PHKB: variants seen among roughly 807,000 people sequenced by gnomAD.
PHKB encodes the protein phosphorylase kinase regulatory subunit beta.
PHKB carries 122 observed loss-of-function variants against 152.1 expected under a neutral mutation model. The ratio of observed to expected loss-of-function variants is 0.80; its 90% CI spans 0.69 to 0.93. The LOEUF is 0.93. Ranked by LOEUF, PHKB falls within the 40% of genes least tolerant of loss-of-function variation. PHKB has a pLI of 0.00. For missense variants in PHKB, 1,304 were observed against 1,328.4 expected (o/e 0.98, Z 0.29); for synonymous variants, 436 against 464.9 (o/e 0.94, Z 0.80).
chr16:47,520,975 C>T (rs1970675680), intron 6 of PHKB, among the ~76,000 whole-genome samples: 1 of 151,978 alleles, frequency 6.6e-6, no homozygotes, highest in Non-Finnish European at 1.5e-5. Context: ...ATTATTCTTT[C>T]ATTCTTTTAA....
chr16:47,478,240 T>C (rs1289635173), intron 1 of PHKB, among the ~76,000 whole-genome samples: 1 of 152,170 alleles, frequency 6.6e-6, no homozygotes, highest in African/African-American at 2.4e-5. Context: ...CTTCAACTAA[T>C]ATGGTATTGA....
rs568120070 is a variant in PHKB at position 47,664,861 on chromosome 16, A to G, written c.2337-24A>G. 1.1e-5 allele frequency: 17 copies of G among 1,544,926 alleles called. No homozygotes were observed. In the South Asian group the frequency reaches 1.9e-4, roughly 17 times the overall value. On this transcript the variant is annotated intron_variant, in intron 24 of 30. Coordinates refer to ENST00000323584, the MANE Select transcript of PHKB (RefSeq NM_000293.3). ...TTTTATTTACTCTATTTTCCCTTTT[A>G]TGGCTTTCCACTGACACACCCAGGT...
chr16:47,606,686 G>T (rs1972330911), intron 13 of PHKB, among the ~76,000 whole-genome samples: 1 of 152,028 alleles, frequency 6.6e-6, no homozygotes, highest in South Asian at 2.1e-4. Context: ...ACTCCAAGGA[G>T]GTTTTGCAGA....
Position 47,665,945 on chromosome 16 carries a change from G to A in PHKB, c.2427+970G>A, listed in dbSNP as rs375970573. 85 of 1,612,618 alleles carry A rather than the reference G, an allele frequency of 5.3e-5. No homozygotes were observed. The highest frequency in any genetic ancestry group is 6.3e-5 in the Non-Finnish European group (74 of 1,178,758). ...CTGCTCTCTTCTTTGCCCCCAGGTC[G>A]GTTGTACGCCGTGCAGCAAGTCTTT... On this transcript the variant is annotated intron_variant, in intron 25 of 30. Coordinates refer to ENST00000323584, the MANE Select transcript of PHKB (RefSeq NM_000293.3).
chr16:47,689,056 C>T lies in PHKB; in HGVS notation c.2646C>T (p.Ala882=). The T allele has an allele frequency of 6.2e-7, 1 of 1,613,998 alleles. No individual in the cohort carries two copies. Among genetic ancestry groups the T allele is most frequent in the Non-Finnish European group, 8.5e-7 (1 of 1,179,960 alleles). Residue 882 remains alanine, a synonymous_variant, in exon 27 of 31, where the codon GCC becomes GCT. Coordinates refer to ENST00000323584, the MANE Select transcript of PHKB (RefSeq NM_000293.3). ...LKIRIGWIIH[A]MEYELQIRGG... The stretch of plus-strand genomic sequence containing the variant: ...TTTGTTTCAGGTGGATCATCCATGC[C>T]ATGGAGTATGAACTTCAGATCCGTG...
intron 1 of PHKB, among the ~76,000 whole-genome samples, chr16:47,485,466 A>G (rs914922758): frequency 6.6e-6 from 1 of 152,228 alleles, no homozygotes; most frequent in Admixed American, 6.5e-5. Flanking sequence ...GTGGAACTAC[A>G]TTATTAAATC....
Position 47,564,687 on chromosome 16 carries a change from A to T in PHKB, c.711-15608A>T, listed in dbSNP as rs141592136. Among the ~76,000 whole-genome samples, 13 of 152,288 alleles carry T rather than the reference A, an allele frequency of 8.5e-5. No homozygotes were observed. The East Asian group carries it at 2.5e-3, about 29-fold the overall frequency. On this transcript the variant is annotated intron_variant, in intron 7 of 30. Coordinates refer to ENST00000323584, the MANE Select transcript of PHKB (RefSeq NM_000293.3). Reference sequence around the variant, plus strand: ...GTTCTTTGCCTAGGCCAATGTCCAGAAGAGTTTTTCCAGGTTTTCTTCTAG... The same window carrying T: ...GTTCTTTGCCTAGGCCAATGTCCAGTAGAGTTTTTCCAGGTTTTCTTCTAG...
rs1455937551 is a variant in PHKB, at chr16:47,598,549, C to A, written c.1363+2018C>A. The A allele has an allele frequency of 1.2e-5, 8 of 679,022 alleles. No homozygotes were observed. In the Admixed American group the frequency reaches 2.3e-4, roughly 19 times the overall value. 42.1% of individuals were successfully genotyped at this position (679,022 alleles called of 1,614,324 possible). ...ACACTCTCCTACATATTTTCTATATCACTTTTCTTGATTATAAAATGTCAG... is the reference window on the plus strand; with the variant it reads ...ACACTCTCCTACATATTTTCTATATAACTTTTCTTGATTATAAAATGTCAG... On this transcript the variant is annotated intron_variant, in intron 13 of 30. Coordinates refer to ENST00000323584, the MANE Select transcript of PHKB (RefSeq NM_000293.3).
At chr16:47,641,117 T>A in intron 15 of PHKB, 27 bp downstream of exon 15, 1 of 1,597,620 alleles carries the variant, frequency 6.3e-7, no homozygotes, top group African/African-American at 1.3e-5. Context: ...GGTGGTGTGT[T>A]TTTTTGTGGG....
At chr16:47,606,224 A>C (rs1972321136) in intron 13 of PHKB, among the ~76,000 whole-genome samples, 1 of 152,226 alleles carries the variant, frequency 6.6e-6, no homozygotes, top group South Asian at 2.1e-4. Flanking sequence ...ATTTTGTCTC[A>C]AATAACAATG....
intron 26 of PHKB, 147 bp downstream of exon 26, chr16:47,669,564 TG>T (rs1197898860): frequency 1.7e-5 from 12 of 723,806 alleles, no homozygotes; most frequent in Non-Finnish European, 2.7e-5. Context: ...AGGCAATATC[TG>T]GGGGTATGAA....
chr16:47,578,452 G>A (rs1971786142), intron 7 of PHKB, among the ~76,000 whole-genome samples: 1 of 152,076 alleles, frequency 6.6e-6, no homozygotes, highest in South Asian at 2.1e-4. Context: ...TGTTTTAGCT[G>A]TATTTTCTTA....
rs768699241 is a variant in PHKB at position 47,660,771 on chromosome 16, T to C, written c.2148T>C (p.Ile716=). Reference sequence around the variant, plus strand: ...TGGGACAGCAGCCGGATGTCAACATTAGTGAATGGAAGGACAAACCCACCC... The same window carrying C: ...TGGGACAGCAGCCGGATGTCAACATCAGTGAATGGAAGGACAAACCCACCC... The part of the protein sequence containing the change: ...PELGQQPDVN[I]SEWKDKPTHE... The change falls in exon 22 of 31, where the codon ATT becomes ATC. Residue 716 remains isoleucine (I), a synonymous_variant. Coordinates refer to ENST00000323584, the MANE Select transcript of PHKB (RefSeq NM_000293.3). 10 of 1,614,034 alleles carry C rather than the reference T, an allele frequency of 6.2e-6. No homozygotes were observed. The highest frequency in any genetic ancestry group is 2.2e-5 in the South Asian group (2 of 91,072).
chr16:47,606,244 C>G (rs1427059915), intron 13 of PHKB, among the ~76,000 whole-genome samples: 3 of 152,082 alleles, frequency 2.0e-5, no homozygotes, highest in Non-Finnish European at 4.4e-5. Context: ...GCAGATGTGC[C>G]TGGAAGATAC....
At chr16:47,510,120 A>T (rs1970485027) in intron 4 of PHKB, among the ~76,000 whole-genome samples, 1 of 152,202 alleles carries the variant, frequency 6.6e-6, no homozygotes, top group South Asian at 2.1e-4. Context: ...TGAGCACAGG[A>T]TCATCTGTCC....
In PHKB at chr16:47,689,176, G is replaced by A; in HGVS notation, c.2765+1G>A. On this transcript the variant is annotated splice_donor_variant, in intron 27 of 30. Transcript: ENST00000323584. LOFTEE classifies it high-confidence loss of function. ...TTCTGCAGCCTCAACAGAATGGAAG[G>A]TAATAAGGGCCCCTTGTTACCTACA... The A allele has an allele frequency of 6.2e-7, 1 of 1,613,758 alleles. No individual in the cohort carries two copies. Among genetic ancestry groups the A allele is most frequent in the Non-Finnish European group, 8.5e-7 (1 of 1,179,780 alleles).
At chr16:47,472,465 A>T (rs1969786947) in intron 1 of PHKB, among the ~76,000 whole-genome samples, 1 of 152,162 alleles carries the variant, frequency 6.6e-6, no homozygotes, top group Non-Finnish European at 1.5e-5. Flanking sequence ...CCTGTGCAAC[A>T]TGACGAAACC....
At chr16:47,517,308 T>C (rs1970614706) in intron 6 of PHKB, among the ~76,000 whole-genome samples, 1 of 151,012 alleles carries the variant, frequency 6.6e-6, no homozygotes, top group African/African-American at 2.4e-5. Context: ...CAGGCTGGAG[T>C]GCAGTAACAC....
At chr16:47,639,441 C>G (rs543134732) in intron 14 of PHKB, among the ~76,000 whole-genome samples, 13 of 152,254 alleles carry the variant, frequency 8.5e-5, no homozygotes, top group Non-Finnish European at 1.5e-4. Flanking sequence ...GCAAAAGGTC[C>G]CACTTGGGCT....
Sources: allele counts gnomAD v4.1 joint callset (sites outside exome capture counted in the v4.1 genomes callset), GRCh38; gene constraint gnomAD v4.1.1; transcripts MANE v1.5; gene names NCBI Gene and HGNC (gene_info 2026-07-23, HGNC 2026-07-21).